Variants in ZNF704 observed in about 807,000 individuals in gnomAD.
The protein encoded by ZNF704 is glucocorticoid induced gene 1.
In ZNF704, 10 loss-of-function variants were observed where a neutral mutation model predicts 44.7. The observed-to-expected ratio is 0.22, with a 90% CI of 0.14 to 0.38. ZNF704 has a LOEUF of 0.38. Ranked by LOEUF, ZNF704 falls within the 10% of genes least tolerant of loss-of-function variation. ZNF704 has a pLI of 1.00. For missense variants in ZNF704, 390 were observed against 545.5 expected (o/e 0.71, Z 2.84); for synonymous variants, 211 against 207.6 (o/e 1.02, Z -0.14).
upstream of ZNF704, among the ~76,000 whole-genome samples, chr8:80,878,309 G>GAAGGAAGGAAGGAAGA (rs1554590348): frequency 7.0e-6 from 1 of 142,128 alleles, no homozygotes; most frequent in East Asian, 2.0e-4. Context: ...AGGAAGGAAG[G>GAAGGAAGGAAGGAAGA]AAGAAAATCA....
intron 4 of ZNF704, among the ~76,000 whole-genome samples, chr8:80,682,320 T>G (rs769271468): frequency 2.6e-5 from 4 of 152,250 alleles, no homozygotes; most frequent in Admixed American, 2.6e-4. Flanking sequence ...AAGCACCTTA[T>G]GTTAACTCAG....
intron 6 of ZNF704, 44 bp downstream of exon 6, chr8:80,664,771 G>T (rs1818162433): frequency 6.2e-7 from 1 of 1,607,718 alleles, no homozygotes. Context: ...CCCTGGTTTT[G>T]GTCAAGGTCA....
intron 1 of ZNF704, among the ~76,000 whole-genome samples, chr8:80,836,028 C>T (rs375811715): frequency 4.6e-5 from 7 of 152,106 alleles, no homozygotes; most frequent in African/African-American, 1.4e-4. Flanking sequence ...ACTCCTGCAC[C>T]GCCTCCCATG....
intron 2 of ZNF704, among the ~76,000 whole-genome samples, chr8:80,782,047 T>C (rs1025795073): frequency 5.3e-5 from 8 of 152,176 alleles, no homozygotes; most frequent in African/African-American, 1.9e-4. Context: ...CCAAAAATAT[T>C]AGGAAATTAC....
At chr8:80,838,827 A>T (rs1808628467) in intron 1 of ZNF704, among the ~76,000 whole-genome samples, 1 of 150,782 alleles carries the variant, frequency 6.6e-6, no homozygotes, top group Non-Finnish European at 1.5e-5. Context: ...AAGGAACAGG[A>T]GGCAGAGTGG....
At chr8:80,883,557 C>T in the ZNF704 span, among the ~76,000 whole-genome samples, 1 of 152,190 alleles carries the variant, frequency 6.6e-6, no homozygotes, top group Admixed American at 6.5e-5. Context: ...TATGAATAGC[C>T]ACATGTGACT....
intron 1 of ZNF704, among the ~76,000 whole-genome samples, chr8:80,843,201 T>C (rs1295653455): frequency 6.6e-6 from 1 of 152,236 alleles, no homozygotes; most frequent in Non-Finnish European, 1.5e-5. Flanking sequence ...ATTTAGTACT[T>C]TGAAAGACAG....
rs1400393941 is a variant in ZNF704 at position 80,665,031 on chromosome 8, AG to A, written c.710del (p.Thr237MetfsTer14). The A allele has an allele frequency of 6.2e-7, 1 of 1,614,192 alleles. No homozygotes were observed. On this transcript the variant is annotated frameshift_variant, in exon 6 of 9. Transcript: ENST00000327835. LOFTEE classifies it high-confidence loss of function. The part of the protein sequence containing the change: ...YSDGEEDFYY[T>X]EIKLNTDSVA... Reference sequence around the variant, plus strand: ...CTGAGTCTGTGTTGAGCTTGATCTCAGTGTAGTAAAAGTCCTCTTCTCCATC... The same window carrying A: ...CTGAGTCTGTGTTGAGCTTGATCTCATGTAGTAAAAGTCCTCTTCTCCATC...
intron 2 of ZNF704, among the ~76,000 whole-genome samples, chr8:80,701,611 G>A (rs1175578439): frequency 6.6e-6 from 1 of 152,078 alleles, no homozygotes; most frequent in Non-Finnish European, 1.5e-5. Flanking sequence ...TTACATGCAA[G>A]GGACCAAACA....
chr8:80,664,313 C>T (rs373667957), intron 6 of ZNF704, among the ~76,000 whole-genome samples: 92 of 150,986 alleles, frequency 6.1e-4, no homozygotes, highest in African/African-American at 2.0e-3. Context: ...TTCTTGTTGC[C>T]CAGGCTGGAG....
intron 1 of ZNF704, among the ~76,000 whole-genome samples, chr8:80,838,783 G>A (rs894216046): frequency 6.6e-6 from 1 of 151,434 alleles, no homozygotes; most frequent in Non-Finnish European, 1.5e-5. Flanking sequence ...AATGGAGGCA[G>A]CGGCAGGGAG....
chr8:80,864,710 G>A (rs949680536), intron 1 of ZNF704, among the ~76,000 whole-genome samples: 21 of 152,154 alleles, frequency 1.4e-4, no homozygotes, highest in Admixed American at 1.3e-3. Context: ...CACCAAGCAA[G>A]ATTACAAGTC....
At chr8:80,719,287 A>G (rs762818432) in intron 2 of ZNF704, among the ~76,000 whole-genome samples, 3 of 152,068 alleles carry the variant, frequency 2.0e-5, no homozygotes, top group Non-Finnish European at 2.9e-5. Context: ...GTTGGTTTCA[A>G]TTGGATAATG....
intron 2 of ZNF704, among the ~76,000 whole-genome samples, chr8:80,810,066 A>G (rs896506761): frequency 2.6e-5 from 4 of 152,144 alleles, no homozygotes; most frequent in Non-Finnish European, 5.9e-5. Context: ...AGGTTTCACA[A>G]TTACTTCTTT....
intron 2 of ZNF704, chr8:80,812,093 T>G (rs547918833): frequency 6.6e-6 from 1 of 152,516 alleles, no homozygotes; most frequent in African/African-American, 2.4e-5. Flanking sequence ...GACAGCTGCT[T>G]TATAGACAAG....
the ZNF704 span, among the ~76,000 whole-genome samples, chr8:80,884,124 T>G: frequency 6.6e-6 from 1 of 152,210 alleles, no homozygotes; most frequent in Non-Finnish European, 1.5e-5. Flanking sequence ...TGAGACAGAA[T>G]TTTGTAAGAA....
At chr8:80,651,115 C>T (rs565586753) in intron 7 of ZNF704, among the ~76,000 whole-genome samples, 6 of 152,282 alleles carry the variant, frequency 3.9e-5, no homozygotes, top group African/African-American at 7.2e-5. Context: ...CAAGCAAATG[C>T]TGAGAGATTT....
chr8:80,726,265 T>C lies in ZNF704; in HGVS notation c.222-33158A>G, dbSNP rs1039917664. Among the ~76,000 whole-genome samples the C allele has an allele frequency of 6.7e-5, 10 of 148,878 alleles. 2 individuals are homozygous for C. Reference sequence around the variant, plus strand: ...TTCTTACTGCATAAATATCAACACATGTGTTTTTTAATCAGTTTGAAATTC... The same window carrying C: ...TTCTTACTGCATAAATATCAACACACGTGTTTTTTAATCAGTTTGAAATTC... On this transcript the variant is annotated intron_variant, in intron 2 of 8. Coordinates refer to ENST00000327835, the MANE Select transcript of ZNF704 (RefSeq NM_001033723.3).
chr8:80,748,732 A>C (rs950413042), intron 2 of ZNF704, among the ~76,000 whole-genome samples: 6 of 152,142 alleles, frequency 3.9e-5, no homozygotes, highest in Admixed American at 3.3e-4. Flanking sequence ...TGGTGAGGGG[A>C]ACTTGGCTTA....
Sources: gnomAD v4.1 joint callset for allele counts (sites outside exome capture counted in the v4.1 genomes callset) on GRCh38, gnomAD v4.1.1 for gene constraint, MANE v1.5 for transcripts, NCBI Gene and HGNC (gene_info 2026-07-23, HGNC 2026-07-21) for gene names.